MARK2: variants seen among roughly 807,000 people sequenced by gnomAD.
MARK2 encodes microtubule affinity regulating kinase 2, also known as serine/threonine-protein kinase MARK2.
MARK2 carries 16 observed loss-of-function variants against 89.8 expected under a neutral mutation model. The observed-to-expected ratio is 0.18, with a 90% CI of 0.12 to 0.27. The LOEUF (loss-of-function observed/expected upper bound fraction) is 0.27, where lower values mean the gene tolerates loss of function less well. Ranked by LOEUF, MARK2 falls within the 10% of genes least tolerant of loss-of-function variation. MARK2 has a pLI of 1.00. For synonymous variants in MARK2, 382 were observed against 399.5 expected (o/e 0.96, Z 0.52); for missense variants, 621 against 1,049.9 (o/e 0.59, Z 5.65).
At chr11:63,845,012 C>T (rs1393265687) in intron 1 of MARK2, among the ~76,000 whole-genome samples, 1 of 152,194 alleles carries the variant, frequency 6.6e-6, no homozygotes, top group East Asian at 1.9e-4. Context: ...GGGTGGGCGC[C>T]ACCTTTGGCC....
intron 1 of MARK2, among the ~76,000 whole-genome samples, chr11:63,877,893 G>T (rs990902540): frequency 6.6e-6 from 1 of 152,218 alleles, no homozygotes; most frequent in Non-Finnish European, 1.5e-5. Context: ...CATATACTCA[G>T]TCTCACTGAG....
intron 1 of MARK2, among the ~76,000 whole-genome samples, chr11:63,878,209 G>C (rs1479981454): frequency 6.6e-6 from 1 of 152,050 alleles, no homozygotes; most frequent in African/African-American, 2.4e-5. Context: ...TCCTTAATTA[G>C]CTCTTCTTTT....
Position 63,902,316 on chromosome 11 carries a change from G to A in MARK2, c.1220G>A (p.Arg407His), listed in dbSNP as rs1046557497. ...GTGTCGGCCAATCCCAAGCAGCGGC[G>A]CTTCAGCGACCAGGGTAAATGCTTT... ...RSVSANPKQR[R>H]FSDQAAGPAI... The change falls in exon 12 of 19, where the codon CGC (arginine) becomes CAC (histidine). Residue 407 changes from arginine to histidine, a missense_variant. This residue lies in a region of MARK2 where 397 missense variants were observed against 567.8 expected (regional missense o/e 0.70). Transcript: ENST00000402010. This position sits in a 1 kb window ranked among gnomAD's most constrained non-coding sequence, Gnocchi z 4.2. The A allele has an allele frequency of 4.3e-6, 7 of 1,613,918 alleles. No homozygotes were observed. Among genetic ancestry groups the A allele is most frequent in the South Asian group, 2.2e-5 (2 of 91,082 alleles).
At chr11:63,891,720 C>T (rs1218942635) in intron 1 of MARK2, among the ~76,000 whole-genome samples, 1 of 152,258 alleles carries the variant, frequency 6.6e-6, no homozygotes, top group African/African-American at 2.4e-5. Flanking sequence ...CCATCTTCCT[C>T]TCGTAGGAGT....
chr11:63,904,117 C>T lies in MARK2; in HGVS notation c.1646C>T (p.Thr549Met), dbSNP rs1031387538. 9.4e-6 allele frequency: 15 copies of T among 1,596,526 alleles called. No individual in the cohort carries two copies. The highest frequency in any genetic ancestry group is 2.3e-5 in the East Asian group (1 of 44,442). The change falls in exon 15 of 19, where the codon ACG (threonine) becomes ATG (methionine). Residue 549 changes from threonine (T) to methionine (M), a missense_variant. Thr to Met is a moderately conservative substitution (Grantham distance 81, BLOSUM62 -1). Transcript: ENST00000402010. The surrounding 1 kb of genome is among the most constrained non-coding windows in gnomAD (Gnocchi z 6.3). ...AACAAGGCCTCTGGGCTGCCCCCCA[C>T]GGAGAGTAACTGTGAGGTGCCGCGG... ...HPNKASGLPP[T>M]ESNCEVPRPS...
At chr11:63,899,778 C>T in intron 7 of MARK2, 96 bp from the exon 8 acceptor site, 1 of 797,802 alleles carries the variant, frequency 1.3e-6, no homozygotes, top group Non-Finnish European at 2.2e-6. Flanking sequence ...CTGAAGATGA[C>T]TTTCCGTTTG....
Position 63,846,322 on chromosome 11 carries a change from G to A in MARK2, c.54+6762G>A, listed in dbSNP as rs563780703. ...ACTTGAGCCCAGGAGTTCAAGACCA[G>A]CCTGAGCAACATAGTGAGACCTCAT... is the stretch of plus-strand genomic sequence containing the variant. On this transcript the variant is annotated intron_variant, in intron 1 of 18. Coordinates refer to ENST00000402010, the MANE Select transcript of MARK2 (RefSeq NM_001039469.3). Among the ~76,000 whole-genome samples the A allele has an allele frequency of 1.3e-4, 19 of 151,968 alleles. No individual in the cohort carries two copies. The South Asian group carries it at 4.0e-3, about 32-fold the overall frequency.
Position 63,904,573 on chromosome 11 carries a change from C to T in MARK2, c.1677-213C>T, listed in dbSNP as rs542158817. Among the ~76,000 whole-genome samples the T allele has an allele frequency of 6.6e-6, 1 of 152,190 alleles. No homozygotes were observed. The highest frequency in any genetic ancestry group is 1.9e-4 in the East Asian group (1 of 5,160). On this transcript the variant is annotated intron_variant, in intron 15 of 18. Transcript: ENST00000402010. This position sits in a 1 kb window ranked among gnomAD's most constrained non-coding sequence, Gnocchi z 6.3. Reference sequence around the variant, plus strand: ...CACACAGGGGTCCTTCCTTGCCTCCCTCCCTCCCTTCCCAAACCATCTCCT... The same window carrying T: ...CACACAGGGGTCCTTCCTTGCCTCCTTCCCTCCCTTCCCAAACCATCTCCT...
chr11:63,879,443 C>T (rs1044044260), intron 1 of MARK2, among the ~76,000 whole-genome samples: 1 of 152,126 alleles, frequency 6.6e-6, no homozygotes, highest in African/African-American at 2.4e-5. Context: ...TAGAGAGCTA[C>T]CCTTGTCTTC....
chr11:63,877,916 T>G (rs1187981719), intron 1 of MARK2, among the ~76,000 whole-genome samples: 1 of 152,196 alleles, frequency 6.6e-6, no homozygotes, highest in African/African-American at 2.4e-5. Flanking sequence ...GCTCGGGCTT[T>G]CCACTGTTCA....
At chr11:63,889,497 G>A (rs562916991) in intron 1 of MARK2, among the ~76,000 whole-genome samples, 18 of 152,332 alleles carry the variant, frequency 1.2e-4, no homozygotes, top group South Asian at 4.1e-4. Context: ...TTAGGGCAGG[G>A]GCCCTGCCTA....
Position 63,900,925 on chromosome 11 carries a change from G to A in MARK2, c.989-32G>A. 6.2e-7 allele frequency: 1 copy of A among 1,611,524 alleles called. No individual in the cohort carries two copies. Among genetic ancestry groups the A allele is most frequent in the Non-Finnish European group, 8.5e-7 (1 of 1,177,572 alleles). On this transcript the variant is annotated intron_variant, in intron 10 of 18. Coordinates refer to ENST00000402010, the MANE Select transcript of MARK2 (RefSeq NM_001039469.3). This position sits in a 1 kb window ranked among gnomAD's most constrained non-coding sequence, Gnocchi z 4.7. The stretch of plus-strand genomic sequence containing the variant: ...GAGGTTAAGCTTGCCTAGGAGTTGA[G>A]GCCAGTCTTAACTGTATGTCCCCCT...
intron 16 of MARK2, 100 bp from the exon 17 acceptor site, chr11:63,905,988 C>T: frequency 9.7e-7 from 1 of 1,028,458 alleles, no homozygotes; most frequent in Non-Finnish European, 1.3e-6. Context: ...ACCCTTGAAC[C>T]TGTAAAGCCA....
At chr11:63,889,312 C>A (rs1446443403) in intron 1 of MARK2, among the ~76,000 whole-genome samples, 1 of 152,196 alleles carries the variant, frequency 6.6e-6, no homozygotes, top group Admixed American at 6.5e-5. Context: ...ACACTTTTCT[C>A]CCCCAACTCT....
chr11:63,907,060 T>A (rs1029754477), intron 17 of MARK2, among the ~76,000 whole-genome samples: 9 of 152,118 alleles, frequency 5.9e-5, no homozygotes, highest in Non-Finnish European at 1.2e-4. Flanking sequence ...CTTATGCTCA[T>A]CCTCTCTGCA....
At chr11:63,869,163 A>T (rs181283817) in intron 1 of MARK2, 6 of 279,054 alleles carry the variant, frequency 2.2e-5, no homozygotes, top group African/African-American at 1.3e-4. Flanking sequence ...GGTGGAAATA[A>T]GGACCTGTTA....
At position 63,900,826 on chromosome 11, in the gene MARK2, A is replaced by C; in HGVS notation, c.935A>C (p.Glu312Ala). The change falls in exon 10 of 19, where the codon GAA becomes GCA. Residue 312 changes from glutamate (E) to alanine (A), a missense_variant. Around this residue, in one of 5 missense-constraint regions of MARK2, gnomAD observed 397 missense variants for 567.8 expected, o/e 0.70. Coordinates refer to ENST00000402010, the MANE Select transcript of MARK2 (RefSeq NM_001039469.3). The surrounding 1 kb of genome is among the most constrained non-coding windows in gnomAD (Gnocchi z 4.7). ...ATGAATGTGGGTCACGAAGATGATG[A>C]ACTAAAGCCTTACGTGGAGCCACTC... ...RWMNVGHEDD[E>A]LKPYVEPLPD... 6.2e-7 allele frequency: 1 copy of C among 1,614,172 alleles called. No homozygotes were observed. Among genetic ancestry groups the C allele is most frequent in the South Asian group, 1.1e-5 (1 of 91,080 alleles).
At position 63,904,234 on chromosome 11, in the gene MARK2, G is replaced by A; in HGVS notation, c.1676+87G>A. On this transcript the variant is annotated intron_variant, in intron 15 of 18. Coordinates refer to ENST00000402010, the MANE Select transcript of MARK2 (RefSeq NM_001039469.3). This position sits in a 1 kb window ranked among gnomAD's most constrained non-coding sequence, Gnocchi z 6.3. ...AACAATTTCTTCTTCCCACTTGGGG[G>A]TCCTGCTGTGTTCTTGTCATCTTAG... 1 of 1,197,810 alleles carries A rather than the reference G, an allele frequency of 8.3e-7. No homozygotes were observed. Among genetic ancestry groups the A allele is most frequent in the Non-Finnish European group, 1.1e-6 (1 of 874,786 alleles). 74.2% of individuals were successfully genotyped at this position (1,197,810 alleles called of 1,614,324 possible).
intron 1 of MARK2, among the ~76,000 whole-genome samples, chr11:63,845,935 C>G (rs571279234): frequency 6.6e-6 from 1 of 152,158 alleles, no homozygotes; most frequent in South Asian, 2.1e-4. Flanking sequence ...GTTGGCCAGG[C>G]TGGTCTTGAA....
Sources: allele counts gnomAD v4.1 joint callset (sites outside exome capture counted in the v4.1 genomes callset), GRCh38; gene constraint gnomAD v4.1.1; regional missense constraint gnomAD v4.1.1; non-coding constraint Gnocchi (gnomAD v3.1); transcripts MANE v1.5; gene names NCBI Gene and HGNC (gene_info 2026-07-23, HGNC 2026-07-21).